NRG3: variants seen among roughly 807,000 people sequenced by gnomAD.
NRG3 encodes neuregulin 3, also known as pro-neuregulin-3, membrane-bound isoform.
NRG3 carries 31 observed loss-of-function variants against 66.9 expected under a neutral mutation model. That is an observed-to-expected ratio of 0.46 (90% confidence interval 0.35 to 0.63). The LOEUF is 0.63. NRG3 is among the 20% of genes least tolerant of loss of function. The pLI is 0.00. For missense variants in NRG3, 910 were observed against 878.9 expected (o/e 1.04, Z -0.45); for synonymous variants, 393 against 359.4 (o/e 1.09, Z -1.06).
At chr10:82,795,626 G>A (rs1333287970) in intron 3 of NRG3, among the ~76,000 whole-genome samples, 2 of 152,118 alleles carry the variant, frequency 1.3e-5, no homozygotes, top group African/African-American at 2.4e-5. Flanking sequence ...CTTCTGGGCA[G>A]GGGCAAAACA....
chr10:81,897,298 G>C (rs984740153), intron 1 of NRG3, among the ~76,000 whole-genome samples: 1 of 152,108 alleles, frequency 6.6e-6, no homozygotes, highest in Admixed American at 6.6e-5. Flanking sequence ...CTAGGTAGGG[G>C]AAGGTGTTGA....
chr10:82,413,771 A>G (rs1187938489), intron 2 of NRG3, among the ~76,000 whole-genome samples: 1 of 152,062 alleles, frequency 6.6e-6, no homozygotes, highest in Non-Finnish European at 1.5e-5. Context: ...GCTGTTTCAC[A>G]TGTACTTTTA....
At chr10:82,960,112 C>T (rs751701288) in intron 6 of NRG3, among the ~76,000 whole-genome samples, 1 of 152,132 alleles carries the variant, frequency 6.6e-6, no homozygotes, top group Non-Finnish European at 1.5e-5. Context: ...GAAATCATTA[C>T]CCAAAAAGTC....
chr10:82,586,602 T>C (rs1005321542), intron 2 of NRG3, among the ~76,000 whole-genome samples: 1 of 152,240 alleles, frequency 6.6e-6, no homozygotes, highest in African/African-American at 2.4e-5. Context: ...AATGAGTAAA[T>C]GTGAAAATAT....
chr10:81,894,246 C>T (rs895336026), intron 1 of NRG3, among the ~76,000 whole-genome samples: 4 of 152,252 alleles, frequency 2.6e-5, no homozygotes, highest in Non-Finnish European at 5.9e-5. Flanking sequence ...GAGACTGAGG[C>T]AGGAGAATCG....
intron 2 of NRG3, among the ~76,000 whole-genome samples, chr10:82,653,038 C>G (rs1166544864): frequency 6.6e-6 from 1 of 152,112 alleles, no homozygotes; most frequent in Non-Finnish European, 1.5e-5. Context: ...AATATTTCTG[C>G]TAAATAGCAT....
intron 2 of NRG3, among the ~76,000 whole-genome samples, chr10:82,375,341 T>G (rs1206429751): frequency 6.6e-6 from 1 of 152,034 alleles, no homozygotes; most frequent in African/African-American, 2.4e-5. Flanking sequence ...ATGGAGACCA[T>G]CCTGGCTAAC....
chr10:82,153,411 T>TTGTG (rs34783247), intron 1 of NRG3, among the ~76,000 whole-genome samples: 13,497 of 146,432 alleles, frequency 0.092, 657 homozygotes, highest in African/African-American at 0.11. Context: ...TAGTATTCCA[T>TTGTG]TGTGTGTGTG....
intron 2 of NRG3, among the ~76,000 whole-genome samples, chr10:82,661,203 A>G (rs747534033): frequency 2.0e-4 from 30 of 152,132 alleles, no homozygotes; most frequent in Non-Finnish European, 3.1e-4. Flanking sequence ...TTCAGGAGCT[A>G]GGATACAGTA....
At chr10:82,391,076 G>A (rs1303223848) in intron 2 of NRG3, among the ~76,000 whole-genome samples, 1 of 152,194 alleles carries the variant, frequency 6.6e-6, no homozygotes, top group Admixed American at 6.5e-5. Flanking sequence ...TTTGGCTCAA[G>A]TGACAAAGAT....
intron 2 of NRG3, among the ~76,000 whole-genome samples, chr10:82,373,164 A>T (rs1401385130): frequency 1.3e-5 from 2 of 152,236 alleles, no homozygotes; most frequent in South Asian, 2.1e-4. Flanking sequence ...GCAGGTTACC[A>T]TATTGGCACA....
intron 1 of NRG3, among the ~76,000 whole-genome samples, chr10:81,878,610 T>A (rs1396264042): frequency 6.6e-6 from 1 of 152,196 alleles, no homozygotes; most frequent in Non-Finnish European, 1.5e-5. Flanking sequence ...TTTACTTGTC[T>A]TGATTATGCC....
intron 1 of NRG3, among the ~76,000 whole-genome samples, chr10:82,302,940 A>G (rs1419180503): frequency 6.6e-6 from 1 of 152,164 alleles, no homozygotes; most frequent in African/African-American, 2.4e-5. Flanking sequence ...GTTTTTTAAG[A>G]TGATTCATTA....
Position 81,925,335 on chromosome 10 carries a change from C to G in NRG3, c.823+49172C>G, listed in dbSNP as rs147145274. The stretch of plus-strand genomic sequence containing the variant: ...AACAGAATATAGAATTGGGAAACTC[C>G]ATCTAGGAAGCAGAATTCTGATCAC... On this transcript the variant is annotated intron_variant, in intron 1 of 8. Coordinates refer to ENST00000372141, the MANE Select transcript of NRG3 (RefSeq NM_001010848.4). Among the ~76,000 whole-genome samples, 145 of 152,226 alleles carry G rather than the reference C, an allele frequency of 9.5e-4. 1 individual carries two copies. The East Asian group carries it at 0.02, about 21-fold the overall frequency.
At chr10:82,517,040 A>T (rs909021815) in intron 2 of NRG3, among the ~76,000 whole-genome samples, 5 of 152,212 alleles carry the variant, frequency 3.3e-5, no homozygotes, top group African/African-American at 1.2e-4. Context: ...ATGGGAATAC[A>T]TAAGATGCTT....
intron 2 of NRG3, among the ~76,000 whole-genome samples, chr10:82,467,265 T>C (rs907911738): frequency 6.6e-6 from 1 of 152,102 alleles, no homozygotes; most frequent in African/African-American, 2.4e-5. Flanking sequence ...GCAGGGAAAA[T>C]TGTGAAGTAT....
chr10:82,547,618 CAT>C (rs920841116), intron 2 of NRG3, among the ~76,000 whole-genome samples: 16 of 150,750 alleles, frequency 1.1e-4, no homozygotes, highest in African/African-American at 3.4e-4. Context: ...TGTACATATA[CAT>C]ATATGTGTGT....
At chr10:82,352,753 G>A (rs903092245) in intron 1 of NRG3, among the ~76,000 whole-genome samples, 7 of 152,060 alleles carry the variant, frequency 4.6e-5, no homozygotes, top group African/African-American at 1.7e-4. Flanking sequence ...TATTGAAAGT[G>A]GGGGGCAGTT....
At chr10:82,538,538 T>G (rs1025176489) in intron 2 of NRG3, among the ~76,000 whole-genome samples, 6 of 152,118 alleles carry the variant, frequency 3.9e-5, no homozygotes, top group Admixed American at 3.9e-4. Context: ...TGTTATCAGT[T>G]TTTTTGTGTG....
Sources: allele counts gnomAD v4.1 joint callset (sites outside exome capture counted in the v4.1 genomes callset), GRCh38; gene constraint gnomAD v4.1.1; transcripts MANE v1.5; gene names NCBI Gene and HGNC (gene_info 2026-07-23, HGNC 2026-07-21).